Variants in CNTN5 observed in about 807,000 individuals in gnomAD.
CNTN5 encodes contactin 5, also known as contactin-5.
In CNTN5, 77 loss-of-function variants were observed where a neutral mutation model predicts 129.1. The observed-to-expected ratio is 0.60, with a 90% confidence interval of 0.50 to 0.72. The LOEUF is 0.72. Among genes scored for constraint, CNTN5 ranks in the 30% least tolerant of loss-of-function variants. CNTN5 has a pLI of 0.00. For missense variants in CNTN5, 1,478 were observed against 1,328.8 expected (o/e 1.11, Z -1.75); for synonymous variants, 509 against 465.6 (o/e 1.09, Z -1.20).
intron 13 of CNTN5, among the ~76,000 whole-genome samples, chr11:100,103,458 A>G (rs1401610490): frequency 1.3e-5 from 2 of 152,070 alleles, no homozygotes; most frequent in African/African-American, 4.8e-5. Context: ...CAGTTATTAC[A>G]TTTTTCTTGT....
At chr11:99,333,548 T>G (rs1382782131) in intron 2 of CNTN5, among the ~76,000 whole-genome samples, 2 of 152,070 alleles carry the variant, frequency 1.3e-5, no homozygotes, top group African/African-American at 4.8e-5. Context: ...ATAAAACATT[T>G]TATAATTACT....
intron 13 of CNTN5, among the ~76,000 whole-genome samples, chr11:100,119,745 A>G (rs1702527402): frequency 1.3e-5 from 2 of 151,954 alleles, no homozygotes; most frequent in Non-Finnish European, 2.9e-5. Context: ...ATAAGAGATC[A>G]AAGATAAACT....
chr11:99,780,031 T>A (rs1945257891), intron 3 of CNTN5, among the ~76,000 whole-genome samples: 1 of 152,016 alleles, frequency 6.6e-6, no homozygotes, highest in African/African-American at 2.4e-5. Flanking sequence ...CATGTTGTTG[T>A]TCAGCATAGA....
At chr11:99,185,668 C>T (rs1308107099) in intron 1 of CNTN5, among the ~76,000 whole-genome samples, 1 of 151,518 alleles carries the variant, frequency 6.6e-6, no homozygotes, top group Non-Finnish European at 1.5e-5. Flanking sequence ...TAAAAAGTTT[C>T]AATAACTAGA....
At chr11:100,230,626 A>T (rs1351591840) in intron 16 of CNTN5, among the ~76,000 whole-genome samples, 2 of 152,216 alleles carry the variant, frequency 1.3e-5, no homozygotes, top group Non-Finnish European at 2.9e-5. Context: ...GAAATGAGCA[A>T]ACAGATGAAT....
intron 1 of CNTN5, among the ~76,000 whole-genome samples, chr11:99,147,533 A>C (rs1859847395): frequency 6.6e-6 from 1 of 152,196 alleles, no homozygotes. Flanking sequence ...GAGCAATGGC[A>C]TGATTTTGTA....
chr11:99,520,850 C>G (rs1478131874), intron 2 of CNTN5, among the ~76,000 whole-genome samples: 1 of 152,044 alleles, frequency 6.6e-6, no homozygotes, highest in East Asian at 1.9e-4. Context: ...CAAAAAATGT[C>G]AACTGGGCAC....
rs1028068659 is a variant in CNTN5 at position 99,333,117 on chromosome 11, A to G, written c.-71+7633A>G. On this transcript the variant is annotated intron_variant, in intron 2 of 24. Transcript: ENST00000524871. ...ACAAGATCAGTGTTTAGTCAAATCT[A>G]TTCTATTACCATGATTGCAAATGTC... Among the ~76,000 whole-genome samples, 12 of 152,124 alleles carry G rather than the reference A, an allele frequency of 7.9e-5. No homozygotes were observed. The East Asian group carries it at 1.5e-3, about 20-fold the overall frequency.
At chr11:99,570,941 A>G (rs1162447055) in intron 3 of CNTN5, among the ~76,000 whole-genome samples, 1 of 152,164 alleles carries the variant, frequency 6.6e-6, no homozygotes, top group Non-Finnish European at 1.5e-5. Flanking sequence ...GGGAAAGACA[A>G]ATGTCAAAAC....
At chr11:99,722,543 G>A (rs1943207263) in intron 3 of CNTN5, among the ~76,000 whole-genome samples, 1 of 151,910 alleles carries the variant, frequency 6.6e-6, no homozygotes, top group Non-Finnish European at 1.5e-5. Flanking sequence ...CTTAATACCT[G>A]GGTAATTAAA....
At chr11:99,441,811 G>T (rs1233501015) in intron 2 of CNTN5, among the ~76,000 whole-genome samples, 1 of 151,910 alleles carries the variant, frequency 6.6e-6, no homozygotes, top group East Asian at 1.9e-4. Flanking sequence ...TTTTTTAAAT[G>T]CATTGTTATG....
At chr11:99,526,955 C>T (rs1482938612) in intron 2 of CNTN5, among the ~76,000 whole-genome samples, 1 of 141,792 alleles carries the variant, frequency 7.1e-6, no homozygotes, top group African/African-American at 2.5e-5. Context: ...TTTGATTGAA[C>T]AAACAGGTTG....
intron 13 of CNTN5, among the ~76,000 whole-genome samples, chr11:100,153,444 A>AAAACGCTTATTATGTTCTTGCCCCC (rs1947132307): frequency 1.3e-5 from 2 of 152,244 alleles, no homozygotes; most frequent in South Asian, 4.1e-4. Flanking sequence ...CAAATATAAA[A>AAAACGCTTATTATGTTCTTGCCCCC]AAACGCTTAT....
At chr11:99,831,443 T>C (rs80035128) in intron 4 of CNTN5, among the ~76,000 whole-genome samples, 3,082 of 152,238 alleles carry the variant, frequency 0.02, 107 homozygotes, top group African/African-American at 0.069. Flanking sequence ...CAGTCAGGCA[T>C]TGTGGTGGAG....
In CNTN5 at chr11:99,808,453, G is replaced by A. The variant is rs149473011; in HGVS notation, c.56-11091G>A. On this transcript the variant is annotated intron_variant, in intron 3 of 24. Coordinates refer to ENST00000524871, the MANE Select transcript of CNTN5 (RefSeq NM_014361.4). ...ACCTAACTTAGCTAAAAATGTCATT[G>A]GGAAATTTTCTTTTGATATCTTTTC... Among the ~76,000 whole-genome samples the A allele has an allele frequency of 2.0e-4, 31 of 152,170 alleles. No individual in the cohort carries two copies. In the East Asian group the frequency reaches 5.8e-3, roughly 28 times the overall value.
At chr11:99,136,167 C>T (rs1225174334) in intron 1 of CNTN5, among the ~76,000 whole-genome samples, 2 of 152,044 alleles carry the variant, frequency 1.3e-5, no homozygotes, top group Non-Finnish European at 2.9e-5. Flanking sequence ...CTTTTCTTTT[C>T]TCTAAATTAC....
chr11:99,745,629 AC>A, intron 3 of CNTN5, among the ~76,000 whole-genome samples: 1 of 152,272 alleles, frequency 6.6e-6, no homozygotes. Context: ...CTTTATTTTT[AC>A]TACTGTGGAT....
chr11:99,602,224 G>A (rs1950334432), intron 3 of CNTN5, among the ~76,000 whole-genome samples: 1 of 151,726 alleles, frequency 6.6e-6, no homozygotes, highest in Non-Finnish European at 1.5e-5. Context: ...TAATATTTGT[G>A]GGGGATATAA....
At chr11:100,001,324 A>G (rs1477581659) in intron 8 of CNTN5, among the ~76,000 whole-genome samples, 1 of 152,110 alleles carries the variant, frequency 6.6e-6, no homozygotes, top group Non-Finnish European at 1.5e-5. Flanking sequence ...CTATCACGAG[A>G]ACAGCATGGG....
Sources: gnomAD v4.1 joint callset for allele counts (sites outside exome capture counted in the v4.1 genomes callset) on GRCh38, gnomAD v4.1.1 for gene constraint, MANE v1.5 for transcripts, NCBI Gene and HGNC (gene_info 2026-07-23, HGNC 2026-07-21) for gene names.